Variants in EDAR observed in about 807,000 individuals in gnomAD.
EDAR encodes tumor necrosis factor receptor superfamily member EDAR.
In EDAR, 38 loss-of-function variants were observed where a neutral mutation model predicts 51.3. The ratio of observed to expected loss-of-function variants is 0.74; its 90% confidence interval spans 0.57 to 0.97. The LOEUF is 0.97. Among genes scored for constraint, EDAR ranks in the 50% least tolerant of loss-of-function variants. The probability of loss-of-function intolerance (pLI) is 0.00; values close to 1 mark genes in which losing one functional copy is unlikely to be tolerated. For missense variants in EDAR, 528 were observed against 595.0 expected (o/e 0.89, Z 1.17); for synonymous variants, 227 against 242.1 (o/e 0.94, Z 0.58).
intron 5 of EDAR, among the ~76,000 whole-genome samples, chr2:108,922,068 C>T (rs917585452): frequency 1.3e-5 from 2 of 152,234 alleles, no homozygotes; most frequent in African/African-American, 2.4e-5. Flanking sequence ...CTTAGAGAGG[C>T]GCCCCTGCCG....
chr2:108,931,918 G>C (rs1399638216), intron 1 of EDAR, among the ~76,000 whole-genome samples: 1 of 152,120 alleles, frequency 6.6e-6, no homozygotes, highest in Non-Finnish European at 1.5e-5. Context: ...AAAACAGCAA[G>C]TACTCTTCTA....
At chr2:108,934,328 T>TG (rs1023723785) in intron 1 of EDAR, among the ~76,000 whole-genome samples, 5 of 152,026 alleles carry the variant, frequency 3.3e-5, no homozygotes, top group African/African-American at 1.2e-4. Context: ...CACTGGGCGC[T>TG]GGGGGGCTGA....
At chr2:108,962,191 C>A (rs764371639) in intron 1 of EDAR, among the ~76,000 whole-genome samples, 1 of 152,178 alleles carries the variant, frequency 6.6e-6, no homozygotes, top group Non-Finnish European at 1.5e-5. Flanking sequence ...TGGCAGATGG[C>A]GCATTGCAGA....
intron 4 of EDAR, among the ~76,000 whole-genome samples, chr2:108,926,037 T>C (rs6750964): frequency 0.64 from 97,635 of 152,148 alleles, 34,418 homozygotes; most frequent in Middle Eastern, 0.81. Context: ...CACGTATTGC[T>C]GCATGCAACA....
chr2:108,953,688 A>G (rs1697867530), intron 1 of EDAR, among the ~76,000 whole-genome samples: 1 of 152,098 alleles, frequency 6.6e-6, no homozygotes, highest in Non-Finnish European at 1.5e-5. Flanking sequence ...GACTGATGAG[A>G]CACTGGAGGT....
chr2:108,973,674 T>C (rs957156855), intron 1 of EDAR, among the ~76,000 whole-genome samples: 4 of 152,266 alleles, frequency 2.6e-5, no homozygotes, highest in African/African-American at 7.2e-5. Flanking sequence ...CTAGAACCCA[T>C]GCCACACATG....
rs1052320183 is a variant in EDAR at position 108,896,725 on chromosome 2, C to A, written c.*182G>T. The A allele has an allele frequency of 7.9e-6, 5 of 634,018 alleles. No homozygotes were observed. The highest frequency in any genetic ancestry group is 1.8e-5 in the African/African-American group (1 of 54,558). The allele number at this position is 634,018 out of a possible 1,614,324, so 39.3% of individuals were successfully genotyped here. ...ATCTGAAAGTATCCCGGCTCTAGTC[C>A]TTTATCTTTGGTTAAATTGGAAGAC... On this transcript the variant is annotated 3_prime_UTR_variant, in exon 12 of 12. Coordinates refer to ENST00000258443, the MANE Select transcript of EDAR (RefSeq NM_022336.4).
chr2:108,918,917 G>A (rs531569319), intron 5 of EDAR, among the ~76,000 whole-genome samples: 1 of 152,326 alleles, frequency 6.6e-6, no homozygotes, highest in Admixed American at 6.5e-5. Context: ...GGCACTGGCT[G>A]TGTACCCCCA....
intron 1 of EDAR, among the ~76,000 whole-genome samples, chr2:108,955,519 G>A (rs374301338): frequency 7.9e-5 from 12 of 152,212 alleles, no homozygotes; most frequent in African/African-American, 2.9e-4. Context: ...AGGCCGTGGT[G>A]GGCAGATCAC....
rs771046519 is a variant in EDAR, at chr2:108,930,991, C to A, written c.24G>T (p.Thr8=). The A allele has an allele frequency of 1.2e-6, 2 of 1,613,988 alleles. No individual in the cohort carries two copies. Among genetic ancestry groups the A allele is most frequent in the Admixed American group, 3.3e-5 (2 of 60,024 alleles). Residue 8 remains threonine, a synonymous_variant, in exon 2 of 12, where the codon ACG becomes ACT. Transcript: ENST00000258443. The part of the protein sequence containing the change: MAHVGDC[T]QTPWLPVLVV... ...CCAGGACGGGGAGCCAGGGCGTCTG[C>A]GTGCAGTCCCCCACATGGGCCATCC... is the stretch of plus-strand genomic sequence containing the variant.
At chr2:108,977,423 C>T (rs1698342390) in intron 1 of EDAR, among the ~76,000 whole-genome samples, 1 of 152,212 alleles carries the variant, frequency 6.6e-6, no homozygotes, top group South Asian at 2.1e-4. Context: ...CACCCGCCAC[C>T]ATGCCTGGCT....
In EDAR at chr2:108,985,655, T is replaced by G. The variant is rs117512849; in HGVS notation, c.-19+3305A>C. On this transcript the variant is annotated intron_variant, in intron 1 of 11. Transcript: ENST00000258443. ...TCACCCACATGTGTCTGCTCCTTCC[T>G]GGGGTCCAAACAGTGTGTTTGCCAC... Among the ~76,000 whole-genome samples the G allele has an allele frequency of 7.1e-3, 1,078 of 152,336 alleles. 9 individuals are homozygous for G. The highest frequency in any genetic ancestry group is 0.028 in the South Asian group (135 of 4,828).
At chr2:108,925,099 G>A (rs1026646367) in intron 4 of EDAR, among the ~76,000 whole-genome samples, 2 of 151,814 alleles carry the variant, frequency 1.3e-5, no homozygotes, top group East Asian at 3.9e-4. Flanking sequence ...CCCGCTCCTG[G>A]GCTGGGAGGC....
chr2:108,979,932 C>T (rs1412135620), intron 1 of EDAR, among the ~76,000 whole-genome samples: 1 of 152,142 alleles, frequency 6.6e-6, no homozygotes, highest in Non-Finnish European at 1.5e-5. Context: ...TGCTGTGGCT[C>T]TATTATCCTG....
At chr2:108,972,413 C>T (rs1307295345) in intron 1 of EDAR, among the ~76,000 whole-genome samples, 2 of 152,218 alleles carry the variant, frequency 1.3e-5, no homozygotes, top group Admixed American at 6.5e-5. Flanking sequence ...GCCCTGGAGC[C>T]CTTGCCCAAC....
At chr2:108,941,697 G>C (rs1697600814) in intron 1 of EDAR, among the ~76,000 whole-genome samples, 1 of 152,184 alleles carries the variant, frequency 6.6e-6, no homozygotes, top group Non-Finnish European at 1.5e-5. Context: ...CAACCTGACT[G>C]CCATTATAAA....
At chr2:108,914,098 T>G (rs1416019280) in intron 5 of EDAR, among the ~76,000 whole-genome samples, 1 of 150,842 alleles carries the variant, frequency 6.6e-6, no homozygotes, top group Non-Finnish European at 1.5e-5. Context: ...GCATCTCTAC[T>G]GAATACAAAA....
intron 1 of EDAR, among the ~76,000 whole-genome samples, chr2:108,956,915 A>C (rs909708662): frequency 3.3e-5 from 5 of 151,936 alleles, no homozygotes; most frequent in Non-Finnish European, 7.4e-5. Context: ...CAGCCTCCCG[A>C]GTAGCTGGGA....
chr2:108,932,955 C>T (rs909066721), intron 1 of EDAR, among the ~76,000 whole-genome samples: 2 of 152,146 alleles, frequency 1.3e-5, no homozygotes, highest in Non-Finnish European at 2.9e-5. Context: ...TCCTGCCTCC[C>T]GAGTACAACA....
Sources: gnomAD v4.1 joint callset for allele counts (sites outside exome capture counted in the v4.1 genomes callset) on GRCh38, gnomAD v4.1.1 for gene constraint, MANE v1.5 for transcripts, NCBI Gene and HGNC (gene_info 2026-07-23, HGNC 2026-07-21) for gene names.